Variants in ATR observed in about 807,000 individuals in gnomAD.
The protein encoded by ATR is serine/threonine-protein kinase ATR.
In ATR, 142 loss-of-function variants were observed where a neutral mutation model predicts 305.3. That is an observed-to-expected ratio of 0.47 (90% CI 0.41 to 0.53). The LOEUF (loss-of-function observed/expected upper bound fraction) is 0.53. ATR is among the 20% of genes least tolerant of loss of function. The pLI, the probability that ATR is intolerant of heterozygous loss-of-function variation, is 0.00. For synonymous variants in ATR, 1,050 were observed against 1,068.1 expected, an observed-to-expected ratio of 0.98 and a Z score of 0.33; for missense variants, 2,135 against 3,133.1, an observed-to-expected ratio of 0.68 and a Z score of 7.60.
At chr3:142,553,492 A>T (rs2108463489) in intron 12 of ATR, 94 bp from the exon 13 acceptor site, 1 of 1,477,922 alleles carries the variant, frequency 6.8e-7, no homozygotes, top group Non-Finnish European at 9.3e-7. Flanking sequence ...TATCCCAGAA[A>T]CAAACGGAAA....
At chr3:142,509,885 G>A (rs2032459793) in intron 27 of ATR, among the ~76,000 whole-genome samples, 1 of 152,168 alleles carries the variant, frequency 6.6e-6, no homozygotes, top group South Asian at 2.1e-4. Context: ...GGAGGCCAAG[G>A]CAGGTGGATC....
At position 142,553,216 on chromosome 3, in the gene ATR, C is replaced by G; in HGVS notation, c.2805+11G>C. 1 of 1,613,892 alleles carries G rather than the reference C, an allele frequency of 6.2e-7. No homozygotes were observed. Among genetic ancestry groups the G allele is most frequent in the Middle Eastern group, 1.6e-4 (1 of 6,062 alleles). On this transcript the variant is annotated intron_variant, in intron 13 of 46. Coordinates refer to ENST00000350721, the MANE Select transcript of ATR (RefSeq NM_001184.4). ...CTGTTGCCTATAGTCCAGACAAACG[C>G]TGACTCTTACCTGACAGATGGGTTT...
intron 35 of ATR, among the ~76,000 whole-genome samples, chr3:142,486,315 G>T (rs1577551688): frequency 6.6e-6 from 1 of 152,134 alleles, no homozygotes; most frequent in East Asian, 1.9e-4. Context: ...ATAGAGGACA[G>T]AATGATATGA....
intron 8 of ATR, among the ~76,000 whole-genome samples, chr3:142,557,210 C>T (rs935475899): frequency 2.0e-5 from 3 of 152,066 alleles, no homozygotes; most frequent in African/African-American, 7.2e-5. Flanking sequence ...ATCAAAGACG[C>T]TCCATTTCTA....
intron 25 of ATR, among the ~76,000 whole-genome samples, chr3:142,514,825 AAAAG>A (rs1441106163): frequency 6.6e-6 from 1 of 150,514 alleles, no homozygotes; most frequent in African/African-American, 2.4e-5. Context: ...AAAAAAAAAA[AAAAG>A]AAAGGTAAAT....
rs2108425423 is a variant in ATR at position 142,535,204 on chromosome 3, T to G, written c.3821A>C (p.Glu1274Ala). 6.2e-7 allele frequency: 1 copy of G among 1,613,048 alleles called. No individual in the cohort carries two copies. Among genetic ancestry groups the G allele is most frequent in the South Asian group, 1.1e-5 (1 of 91,054 alleles). ...IKAVLQEYRK[E>A]TSESTDLQTT... ...CTGAAGATCAGTGCTCTCAGAGGTC[T>G]CCTATATACAAAGCACAGAGAGACA... Residue 1274 changes from glutamate (E) to alanine (A), a missense_variant and splice_region_variant, in exon 21 of 47, where the codon GAG (glutamate) becomes GCG (alanine). Glu to Ala is a moderately radical substitution (Grantham distance 107). Around this residue, in one of 9 missense-constraint regions of ATR, gnomAD observed 530 missense variants for 766.8 expected, o/e 0.69. Coordinates refer to ENST00000350721, the MANE Select transcript of ATR (RefSeq NM_001184.4).
chr3:142,513,661 C>T, intron 25 of ATR, 23 bp from the exon 26 acceptor site: 1 of 1,610,616 alleles, frequency 6.2e-7, no homozygotes, highest in Admixed American at 1.7e-5. Flanking sequence ...AATGTGTAGA[C>T]AGTAACACAC....
chr3:142,478,063 G>C (rs1249915340), intron 36 of ATR, among the ~76,000 whole-genome samples: 2 of 152,158 alleles, frequency 1.3e-5, no homozygotes, highest in Non-Finnish European at 2.9e-5. Flanking sequence ...TTGATTTTGT[G>C]AAGGGTTTTT....
At position 142,469,496 on chromosome 3, in the gene ATR, G is replaced by A; in HGVS notation, c.6393C>T (p.Asn2131=). The A allele has an allele frequency of 8.1e-6, 13 of 1,613,832 alleles. No homozygotes were observed. Among genetic ancestry groups the A allele is most frequent in the Non-Finnish European group, 1.0e-5 (12 of 1,179,842 alleles). The change falls in exon 38 of 47, where the codon AAC becomes AAT. Residue 2131 remains asparagine (N), a synonymous_variant. Transcript: ENST00000350721. ...KINKVITEHT[N]YLAPYQFLTA... ...TCAAAAATTGATATGGAGCTAAATAGTTTGTATGCTCTGTGATAACCTTGT... is the reference window on the plus strand; with the variant it reads ...TCAAAAATTGATATGGAGCTAAATAATTTGTATGCTCTGTGATAACCTTGT...
At chr3:142,556,680 A>T in intron 8 of ATR, 105 bp from the exon 9 acceptor site, 1 of 1,071,666 alleles carries the variant, frequency 9.3e-7, no homozygotes, top group Admixed American at 2.8e-5. Flanking sequence ...ACATATATAT[A>T]AATAAAAGTC....
At chr3:142,508,351 A>G (rs574101486) in intron 27 of ATR, among the ~76,000 whole-genome samples, 15 of 152,236 alleles carry the variant, frequency 9.9e-5, no homozygotes, top group African/African-American at 3.6e-4. Context: ...TTCTTTACCT[A>G]TAAAAGGAAA....
At position 142,466,331 on chromosome 3, in the gene ATR, T is replaced by G; in HGVS notation, c.6890A>C (p.Asp2297Ala). ...TATAAAACTGAAGTTTACCATATCA[T>G]CAAACCCTGCAATATAGGCCCAATG... The part of the protein sequence containing the change: ...PGHWAYIAGF[D>A]DMVEILASLQ... The change falls in exon 40 of 47, where the codon GAT (aspartate) becomes GCT (alanine). Residue 2297 changes from aspartate (D) to alanine (A), a missense_variant. By Grantham distance (126) the Asp-to-Ala change is moderately radical. This residue lies in a region of ATR where 462 missense variants were observed against 887.6 expected (regional missense o/e 0.52). Transcript: ENST00000350721. 1 of 1,613,358 alleles carries G rather than the reference T, an allele frequency of 6.2e-7. No homozygotes were observed. The highest frequency in any genetic ancestry group is 8.5e-7 in the Non-Finnish European group (1 of 1,179,392).
At chr3:142,515,774 T>G (rs1207032894) in intron 24 of ATR, among the ~76,000 whole-genome samples, 1 of 152,154 alleles carries the variant, frequency 6.6e-6, no homozygotes, top group Non-Finnish European at 1.5e-5. Context: ...ACCTGTTCCT[T>G]TGAAGTTCAA....
At chr3:142,523,685 C>G (rs2033252978) in intron 22 of ATR, among the ~76,000 whole-genome samples, 1 of 151,880 alleles carries the variant, frequency 6.6e-6, no homozygotes. Flanking sequence ...AACTAGTTAT[C>G]CATGGAAACA....
At chr3:142,484,323 CA>C (rs1181558131) in intron 36 of ATR, among the ~76,000 whole-genome samples, 2 of 152,154 alleles carry the variant, frequency 1.3e-5, no homozygotes, top group Non-Finnish European at 2.9e-5. Context: ...ACATGGTTGT[CA>C]ATCATGCCCA....
intron 5 of ATR, among the ~76,000 whole-genome samples, chr3:142,560,895 A>G (rs1403875542): frequency 6.6e-6 from 1 of 152,240 alleles, no homozygotes; most frequent in Admixed American, 6.5e-5. Context: ...AATTAAAACA[A>G]TGTTCAGAAG....
rs6148111 is a variant in ATR at position 142,496,278 on chromosome 3, CTATATATATATATATA to C, written c.5898+67_5898+82del. The C allele has an allele frequency of 4.8e-3, 551 of 114,842 alleles. 3 individuals carry two copies. Among genetic ancestry groups the C allele is most frequent in the Non-Finnish European group, 5.8e-3 (388 of 67,344 alleles). The allele number at this position is 114,842 out of a possible 1,614,324, so 7.1% of individuals were successfully genotyped here. On this transcript the variant is annotated intron_variant, in intron 34 of 46. Coordinates refer to ENST00000350721, the MANE Select transcript of ATR (RefSeq NM_001184.4). ...TTTTAAGGAAGTACATAATTCCCGA[CTATATATATATATATA>C]TATATATATATATATATATATATAT...
intron 21 of ATR, among the ~76,000 whole-genome samples, chr3:142,524,980 T>C (rs760650279): frequency 6.6e-6 from 1 of 152,334 alleles, no homozygotes; most frequent in East Asian, 1.9e-4. Context: ...AACTCCATGT[T>C]AGAACTGTAA....
At chr3:142,457,306 G>T (rs2070928578) in intron 45 of ATR, among the ~76,000 whole-genome samples, 1 of 152,062 alleles carries the variant, frequency 6.6e-6, no homozygotes. Context: ...GTGGGAGGGG[G>T]AAGGGATCAG....
Sources: gnomAD v4.1 joint callset for allele counts (sites outside exome capture counted in the v4.1 genomes callset) on GRCh38, gnomAD v4.1.1 for gene constraint, gnomAD v4.1.1 regional missense constraint, MANE v1.5 for transcripts, NCBI Gene and HGNC (gene_info 2026-07-23, HGNC 2026-07-21) for gene names.